PDE10A: variants seen among roughly 807,000 people sequenced by gnomAD.
The protein encoded by PDE10A is cAMP and cAMP-inhibited cGMP 3',5'-cyclic phosphodiesterase 10A.
PDE10A carries 39 observed loss-of-function variants against 97.7 expected under a neutral mutation model. That is an observed-to-expected ratio of 0.40 (90% CI 0.31 to 0.52). The LOEUF (loss-of-function observed/expected upper bound fraction) is 0.52. Ranked by LOEUF, PDE10A falls within the 20% of genes least tolerant of loss-of-function variation. The pLI, the probability that PDE10A is intolerant of heterozygous loss-of-function variation, is 0.56. For synonymous variants in PDE10A, 371 were observed against 376.8 expected, an observed-to-expected ratio of 0.98 and a Z score of 0.18; for missense variants, 731 against 1,047.8, an observed-to-expected ratio of 0.70 and a Z score of 4.17.
intron 18 of PDE10A, among the ~76,000 whole-genome samples, chr6:165,347,928 G>A (rs1017397247): frequency 6.6e-6 from 1 of 152,220 alleles, no homozygotes; most frequent in South Asian, 2.1e-4. Context: ...TAAAAATATA[G>A]AACTTTTCAA....
intron 3 of PDE10A, among the ~76,000 whole-genome samples, chr6:165,458,539 T>A (rs927817869): frequency 6.6e-6 from 1 of 152,202 alleles, no homozygotes; most frequent in African/African-American, 2.4e-5. Flanking sequence ...CACCAGTCTA[T>A]GGGACTTTGT....
intron 1 of PDE10A, among the ~76,000 whole-genome samples, chr6:165,586,663 T>C (rs552161653): frequency 1.1e-4 from 17 of 152,304 alleles, no homozygotes; most frequent in Middle Eastern, 6.8e-3. Context: ...TACCATATTG[T>C]AGTTTACTAA....
chr6:165,628,482 T>C (rs1249064066), intron 1 of PDE10A, among the ~76,000 whole-genome samples: 5 of 152,130 alleles, frequency 3.3e-5, no homozygotes, highest in Non-Finnish European at 5.9e-5. Flanking sequence ...GCCTCCTAAG[T>C]AGCTGGGACT....
intron 1 of PDE10A, among the ~76,000 whole-genome samples, chr6:165,954,558 A>G (rs1404151861): frequency 6.6e-6 from 1 of 152,172 alleles, no homozygotes; most frequent in Non-Finnish European, 1.5e-5. Context: ...TAAGATAACA[A>G]GAGAGGACAG....
intron 10 of PDE10A, among the ~76,000 whole-genome samples, chr6:165,423,702 C>T (rs149382732): frequency 3.0e-3 from 454 of 152,054 alleles, no homozygotes; most frequent in African/African-American, 9.8e-3. Flanking sequence ...CCCGTTTCTA[C>T]TAAAATACAA....
chr6:165,645,580 G>A (rs567336102), intron 1 of PDE10A, among the ~76,000 whole-genome samples: 10 of 152,170 alleles, frequency 6.6e-5, no homozygotes, highest in African/African-American at 1.2e-4. Context: ...CTGGCTGGGC[G>A]CGGTGTCTCA....
chr6:165,928,115 C>T (rs1783002599), intron 1 of PDE10A, among the ~76,000 whole-genome samples: 1 of 151,634 alleles, frequency 6.6e-6, no homozygotes, highest in Non-Finnish European at 1.5e-5. Context: ...TATATAAACA[C>T]TATGTATACA....
intron 5 of PDE10A, 143 bp downstream of exon 5, chr6:165,448,785 T>C: frequency 3.6e-6 from 2 of 560,492 alleles, no homozygotes; most frequent in Non-Finnish European, 6.3e-6. Context: ...TCTTGACTGG[T>C]AATAACCAAA....
intron 5 of PDE10A, among the ~76,000 whole-genome samples, chr6:165,447,415 T>C (rs1790935498): frequency 6.6e-6 from 1 of 152,156 alleles, no homozygotes; most frequent in Admixed American, 6.5e-5. Flanking sequence ...TCCACCCCGA[T>C]CTGAACTAGA....
chr6:165,485,692 A>G (rs572629947), intron 2 of PDE10A, among the ~76,000 whole-genome samples: 7 of 150,856 alleles, frequency 4.6e-5, no homozygotes, highest in Non-Finnish European at 1.0e-4. Context: ...TTCCGGGTTC[A>G]AGCAATACTC....
At chr6:165,939,614 C>G (rs1238150700) in intron 1 of PDE10A, 1 of 152,180 alleles carries the variant, frequency 6.6e-6, no homozygotes, top group Non-Finnish European at 1.5e-5. Context: ...TTGGGTTCTT[C>G]TGGCATTTTT....
intron 1 of PDE10A, among the ~76,000 whole-genome samples, chr6:165,796,376 G>A (rs116943259): frequency 0.016 from 2,371 of 152,174 alleles, 30 homozygotes; most frequent in East Asian, 0.053. Flanking sequence ...GTGAGCCACC[G>A]CACCTGGCCT....
At chr6:165,336,419 C>T (rs549725764) in intron 20 of PDE10A, among the ~76,000 whole-genome samples, 11 of 152,250 alleles carry the variant, frequency 7.2e-5, no homozygotes, top group African/African-American at 2.6e-4. Context: ...AGAAATAAAA[C>T]ACATGAAGAT....
intron 1 of PDE10A, among the ~76,000 whole-genome samples, chr6:165,632,042 T>C (rs1788653766): frequency 1.3e-5 from 2 of 151,588 alleles, no homozygotes; most frequent in African/African-American, 2.4e-5. Context: ...CTTTACTAAA[T>C]ACAAAAAATT....
At chr6:165,538,334 AG>A (rs1165037204) in intron 2 of PDE10A, among the ~76,000 whole-genome samples, 12 of 152,124 alleles carry the variant, frequency 7.9e-5, no homozygotes, top group African/African-American at 2.9e-4. Flanking sequence ...TTGAATTTAT[AG>A]GTACAATGAT....
At chr6:165,401,908 C>CT (rs1786695337) in intron 13 of PDE10A, among the ~76,000 whole-genome samples, 1 of 152,172 alleles carries the variant, frequency 6.6e-6, no homozygotes, top group Non-Finnish European at 1.5e-5. Flanking sequence ...TTGCTTTCCA[C>CT]TTTAGAGATG....
chr6:165,659,609 G>A (rs1458600328), intron 1 of PDE10A, among the ~76,000 whole-genome samples: 3 of 152,212 alleles, frequency 2.0e-5, no homozygotes, highest in African/African-American at 7.2e-5. Flanking sequence ...CCTCAGTCAT[G>A]TCCCAAATAA....
At chr6:165,590,670 T>A (rs2128384450) in intron 1 of PDE10A, among the ~76,000 whole-genome samples, 1 of 152,132 alleles carries the variant, frequency 6.6e-6, no homozygotes, top group South Asian at 2.1e-4. Context: ...GGCGGGTGGA[T>A]CACGAGATCA....
intron 1 of PDE10A, among the ~76,000 whole-genome samples, chr6:165,814,554 A>C (rs1424579821): frequency 1.3e-5 from 2 of 152,176 alleles, no homozygotes; most frequent in Non-Finnish European, 2.9e-5. Context: ...TCATATTCTT[A>C]AAATTCTGAT....
Sources: gnomAD v4.1 joint callset for allele counts (sites outside exome capture counted in the v4.1 genomes callset) on GRCh38, gnomAD v4.1.1 for gene constraint, MANE v1.5 for transcripts, NCBI Gene and HGNC (gene_info 2026-07-23, HGNC 2026-07-21) for gene names.